FOXP2: variants seen among roughly 807,000 people sequenced by gnomAD.
FOXP2 encodes forkhead box P2.
FOXP2 carries 12 observed loss-of-function variants against 115.8 expected under a neutral mutation model. That is an observed-to-expected ratio of 0.10 (90% CI 0.07 to 0.17). The LOEUF is 0.17. Among genes scored for constraint, FOXP2 ranks in the 10% least tolerant of loss-of-function variants. The pLI is 1.00. For missense variants in FOXP2, 629 were observed against 843.5 expected (o/e 0.75, Z 3.15); for synonymous variants, 328 against 297.7 (o/e 1.10, Z -1.05).
chr7:114,536,664 C>A (rs1316650735), intron 3 of FOXP2, among the ~76,000 whole-genome samples: 1 of 151,396 alleles, frequency 6.6e-6, no homozygotes, highest in Non-Finnish European at 1.5e-5. Context: ...ACCATGACTA[C>A]AAAGACTTTC....
In FOXP2 at chr7:114,313,527, C is replaced by T. The variant is rs1276292846; in HGVS notation, c.-11+25418C>T. ...TTGGGAGGCCGAGGCGGGCGGATCA[C>T]GAGGTCAGGAGATCGAGACCATCCC... is the stretch of plus-strand genomic sequence containing the variant. On this transcript the variant is annotated intron_variant, in intron 2 of 17. Coordinates refer to the FOXP2 transcript ENST00000634411. Among the ~76,000 whole-genome samples the T allele has an allele frequency of 7.0e-5, 8 of 113,562 alleles. 1 individual carries two copies. The highest frequency in any genetic ancestry group is 4.4e-4 in the Admixed American group (6 of 13,634). The allele number at this position is 113,562 out of a possible 152,430, so 74.5% of individuals were successfully genotyped here. A position where few individuals can be genotyped will look rare whatever the true frequency, so the allele number is the denominator to read the frequency against.
chr7:114,471,972 A>C (rs956807628), intron 2 of FOXP2, among the ~76,000 whole-genome samples: 3 of 151,942 alleles, frequency 2.0e-5, no homozygotes, highest in African/African-American at 7.2e-5. Context: ...GAAAAAAAAA[A>C]AAAAAAGAAA....
intron 1 of FOXP2, among the ~76,000 whole-genome samples, chr7:114,210,876 G>A (rs946025939): frequency 3.9e-5 from 6 of 152,168 alleles, no homozygotes; most frequent in African/African-American, 1.4e-4. Flanking sequence ...CATCCAGTGA[G>A]GAGGAAATCG....
At chr7:114,321,894 A>G (rs1797430955) in intron 2 of FOXP2, among the ~76,000 whole-genome samples, 1 of 152,330 alleles carries the variant, frequency 6.6e-6, no homozygotes, top group East Asian at 1.9e-4. Context: ...GTCCATAGCT[A>G]TTAAATAGAG....
rs1162279898 is a variant in FOXP2 at position 114,307,522 on chromosome 7, CTCCTTTA to C, written c.-11+19415_-11+19421del. On this transcript the variant is annotated intron_variant, in intron 2 of 17. Transcript: ENST00000634411. ...ACATATATGCATTCTGTGGCCCTTT[CTCCTTTA>C]TATACAAACATGTAACTCAAAGGGG... Among the ~76,000 whole-genome samples the C allele has an allele frequency of 2.0e-5, 3 of 152,180 alleles. No homozygotes were observed. The East Asian group carries it at 5.8e-4, about 29-fold the overall frequency.
intron 2 of FOXP2, among the ~76,000 whole-genome samples, chr7:114,494,478 A>C (rs768926322): frequency 6.6e-6 from 1 of 152,122 alleles, no homozygotes; most frequent in Non-Finnish European, 1.5e-5. Context: ...TGCCACCATG[A>C]CCTGCTAAAA....
intron 1 of FOXP2, among the ~76,000 whole-genome samples, chr7:114,420,205 C>T (rs964274009): frequency 3.6e-4 from 54 of 151,830 alleles, no homozygotes; most frequent in Non-Finnish European, 1.5e-4. Context: ...ATACTCAGAG[C>T]TCTCATTAGC....
intron 2 of FOXP2, among the ~76,000 whole-genome samples, chr7:114,381,743 C>G (rs917835988): frequency 5.3e-5 from 8 of 152,100 alleles, no homozygotes. Flanking sequence ...TTTCTGTACT[C>G]CTAAAATTGG....
chr7:114,210,687 C>T (rs1794323572), intron 1 of FOXP2, among the ~76,000 whole-genome samples: 1 of 152,118 alleles, frequency 6.6e-6, no homozygotes, highest in Non-Finnish European at 1.5e-5. Context: ...AGGTGTGCTG[C>T]GTTGGGGGAA....
chr7:114,243,083 T>C (rs932181291), intron 1 of FOXP2, among the ~76,000 whole-genome samples: 1 of 152,112 alleles, frequency 6.6e-6, no homozygotes, highest in Non-Finnish European at 1.5e-5. Context: ...TACTACATTG[T>C]ATTGATTTTC....
At chr7:114,631,936 G>C (rs778709394) in intron 6 of FOXP2, among the ~76,000 whole-genome samples, 1 of 152,170 alleles carries the variant, frequency 6.6e-6, no homozygotes, top group Non-Finnish European at 1.5e-5. Context: ...GATATTAAAT[G>C]TGTATTTATT....
intron 7 of FOXP2, among the ~76,000 whole-genome samples, chr7:114,643,172 G>A (rs1805677350): frequency 6.6e-6 from 1 of 152,118 alleles, no homozygotes; most frequent in Non-Finnish European, 1.5e-5. Context: ...TGTAGTTTGG[G>A]AGTTTGCCTG....
chr7:114,378,941 C>G (rs1792211888), intron 2 of FOXP2, among the ~76,000 whole-genome samples: 1 of 151,160 alleles, frequency 6.6e-6, no homozygotes. Context: ...TCCCTGAAAA[C>G]AGCACACAGT....
intron 1 of FOXP2, among the ~76,000 whole-genome samples, chr7:114,224,185 G>A (rs1440487847): frequency 3.3e-5 from 5 of 151,890 alleles, no homozygotes; most frequent in Non-Finnish European, 7.4e-5. Flanking sequence ...TTTGAACCTC[G>A]CTATCTTAAT....
chr7:114,435,085 T>C (rs28534444), intron 2 of FOXP2, among the ~76,000 whole-genome samples: 73,978 of 151,908 alleles, frequency 0.49, 18,550 homozygotes, highest in African/African-American at 0.59. Context: ...GAATGTGGAA[T>C]TTGGAAATTC....
intron 1 of FOXP2, among the ~76,000 whole-genome samples, chr7:114,196,343 A>G (rs1051065855): frequency 3.9e-5 from 6 of 152,178 alleles, no homozygotes; most frequent in African/African-American, 9.7e-5. Context: ...ATTAAATAAT[A>G]TCTTCTTAGC....
chr7:114,541,613 C>T (rs1037294568), intron 3 of FOXP2, among the ~76,000 whole-genome samples: 4 of 151,940 alleles, frequency 2.6e-5, no homozygotes, highest in Admixed American at 6.6e-5. Flanking sequence ...AAAAATCATA[C>T]TTTAACATGG....
chr7:114,217,008 T>A (rs1052982603), intron 1 of FOXP2, among the ~76,000 whole-genome samples: 2 of 152,160 alleles, frequency 1.3e-5, no homozygotes, highest in African/African-American at 2.4e-5. Context: ...GCAACTACAT[T>A]CATGATTATG....
chr7:114,214,943 A>G (rs1794450533), intron 1 of FOXP2, among the ~76,000 whole-genome samples: 1 of 152,176 alleles, frequency 6.6e-6, no homozygotes, highest in African/African-American at 2.4e-5. Flanking sequence ...ATTTATGAGA[A>G]TTTGTTTAAA....
Sources: gnomAD v4.1 joint callset for allele counts (sites outside exome capture counted in the v4.1 genomes callset) on GRCh38, gnomAD v4.1.1 for gene constraint, MANE v1.5 for transcripts, NCBI Gene and HGNC (gene_info 2026-07-23, HGNC 2026-07-21) for gene names.